Variants in PARD6G observed in about 807,000 individuals in gnomAD.
PARD6G encodes partitioning defective 6 homolog gamma.
A neutral mutation model predicts 10.7 loss-of-function variants in PARD6G; 7 were observed. The observed-to-expected ratio is 0.66, with a 90% CI of 0.37 to 1.23. The LOEUF is 1.23. Among genes scored for constraint, PARD6G ranks in the 50% most tolerant of loss-of-function variants. The pLI is 0.02. For synonymous variants in PARD6G, 287 were observed against 269.4 expected (o/e 1.07, Z -0.64); for missense variants, 548 against 571.8 (o/e 0.96, Z 0.42).
rs766474026 is a variant in PARD6G at position 80,180,491 on chromosome 18, C to T, written c.296-19885G>A. 2.0e-4 allele frequency among the ~76,000 whole-genome samples: 30 copies of T among 152,144 alleles called. No homozygotes were observed. Among genetic ancestry groups the T allele is most frequent in the Admixed American group, 3.3e-4 (5 of 15,272 alleles). On this transcript the variant is annotated intron_variant, in intron 2 of 2. Coordinates refer to ENST00000353265, the MANE Select transcript of PARD6G (RefSeq NM_032510.4). The surrounding 1 kb of genome is among the most constrained non-coding windows in gnomAD (Gnocchi z 5.6). ...GTACACCCCCCAGGTATCACCGGGG[C>T]CCTCCCAGGACCAACCCAGCCGGTG... is the stretch of plus-strand genomic sequence containing the variant.
chr18:80,243,025 G>A (rs1967506816), intron 1 of PARD6G, among the ~76,000 whole-genome samples: 1 of 152,138 alleles, frequency 6.6e-6, no homozygotes, highest in Non-Finnish European at 1.5e-5. Flanking sequence ...GTAAAAGTAC[G>A]TGCCTTTCCC....
chr18:80,197,839 G>A (rs1966972183), intron 2 of PARD6G, among the ~76,000 whole-genome samples: 1 of 152,238 alleles, frequency 6.6e-6, no homozygotes, highest in Non-Finnish European at 1.5e-5. Context: ...GAACAGAGAA[G>A]CGGGTCCTTA....
intron 1 of PARD6G, among the ~76,000 whole-genome samples, chr18:80,233,856 C>T (rs982985089): frequency 3.3e-5 from 5 of 152,274 alleles, no homozygotes; most frequent in Middle Eastern, 3.4e-3. Context: ...TTTTGACAAG[C>T]GTACTGATGT....
At chr18:80,213,898 C>T (rs1967132555) in intron 1 of PARD6G, among the ~76,000 whole-genome samples, 1 of 134,584 alleles carries the variant, frequency 7.4e-6, no homozygotes, top group Non-Finnish European at 1.5e-5. Context: ...GCAGAGCTTG[C>T]AATGAGCCGA....
At position 80,184,975 on chromosome 18, in the gene PARD6G, T is replaced by C. The variant is rs1391706875; in HGVS notation, c.295+17735A>G. On this transcript the variant is annotated intron_variant, in intron 2 of 2. Transcript: ENST00000353265. The surrounding 1 kb of genome is among the most constrained non-coding windows in gnomAD (Gnocchi z 4.5). ...AAAAATAAGGTGGCTCCTTCCAGCT[T>C]TGCGGGAACCTAACTGCTAGTCCCA... 3 of 152,312 alleles carry C rather than the reference T, an allele frequency of 2.0e-5. No homozygotes were observed. The East Asian group carries it at 5.8e-4, about 29-fold the overall frequency. The allele number at this position is 152,312 out of a possible 1,614,324, so 9.4% of individuals were successfully genotyped here.
rs4189 is a variant in PARD6G, at chr18:80,157,550, A to AACTT, written c.*2217_*2220dup. 0.43 allele frequency: 65,523 copies of AACTT among 151,746 alleles called. 15,266 individuals are homozygous for AACTT. The highest frequency in any genetic ancestry group is 0.57 in the East Asian group (2,935 of 5,148). 9.4% of individuals were successfully genotyped at this position (151,746 alleles called of 1,614,324 possible). Reference sequence around the variant, plus strand: ...TAACAGACATTCAAGAATCAGCAATAACTTAGTAAAAGAACATTTCCTTTG... The same window carrying AACTT: ...TAACAGACATTCAAGAATCAGCAATAACTTACTTAGTAAAAGAACATTTCCTTTG... On this transcript the variant is annotated 3_prime_UTR_variant, in exon 3 of 3. Coordinates refer to ENST00000353265, the MANE Select transcript of PARD6G (RefSeq NM_032510.4).
intron 1 of PARD6G, among the ~76,000 whole-genome samples, chr18:80,241,774 T>C (rs76587997): frequency 6.6e-6 from 1 of 152,060 alleles, no homozygotes; most frequent in Admixed American, 6.6e-5. Context: ...GGATTTGACA[T>C]GTAAGCAGCC....
intron 1 of PARD6G, among the ~76,000 whole-genome samples, chr18:80,211,582 G>A (rs1167707786): frequency 6.6e-6 from 1 of 152,276 alleles, no homozygotes; most frequent in East Asian, 1.9e-4. Flanking sequence ...AATAACCGAA[G>A]GTGGAATCTG....
At chr18:80,242,336 A>T (rs2145309276) in intron 1 of PARD6G, among the ~76,000 whole-genome samples, 1 of 152,378 alleles carries the variant, frequency 6.6e-6, no homozygotes, top group East Asian at 1.9e-4. Flanking sequence ...ACTGGCCCAC[A>T]GGAGGCAAGT....
intron 2 of PARD6G, among the ~76,000 whole-genome samples, chr18:80,187,353 G>C (rs1428126061): frequency 6.6e-6 from 1 of 152,194 alleles, no homozygotes; most frequent in East Asian, 1.9e-4. Context: ...CTCACATTTT[G>C]CTTCAGAGTA....
At chr18:80,166,027 G>A (rs1210322202) in intron 2 of PARD6G, among the ~76,000 whole-genome samples, 1 of 152,068 alleles carries the variant, frequency 6.6e-6, no homozygotes, top group Non-Finnish European at 1.5e-5. Flanking sequence ...GCAGTGAGCT[G>A]AGATCGTGCC....
At chr18:80,211,843 T>C (rs7235170) in intron 1 of PARD6G, among the ~76,000 whole-genome samples, 94,681 of 151,886 alleles carry the variant, frequency 0.62, 31,156 homozygotes, top group South Asian at 0.73. Flanking sequence ...ATGAGGTAAA[T>C]AGAGTACTCG....
chr18:80,216,359 C>A (rs775302525), intron 1 of PARD6G, among the ~76,000 whole-genome samples: 14 of 152,056 alleles, frequency 9.2e-5, no homozygotes, highest in African/African-American at 3.1e-4. Flanking sequence ...CTAGGATAGA[C>A]CATACTTAGG....
In PARD6G at chr18:80,231,311, T is replaced by C. The variant is rs1175751775; in HGVS notation, c.72+15966A>G. On this transcript the variant is annotated intron_variant, in intron 1 of 2. Coordinates refer to ENST00000353265, the MANE Select transcript of PARD6G (RefSeq NM_032510.4). This position sits in a 1 kb window ranked among gnomAD's most constrained non-coding sequence, Gnocchi z 4.2. ...ATCTGTCCCTGCCTTCATAAGACTT[T>C]CCTGAAAGGTAAATTCACTTAGGCA... is the stretch of plus-strand genomic sequence containing the variant. Among the ~76,000 whole-genome samples, 8 of 152,196 alleles carry C rather than the reference T, an allele frequency of 5.3e-5. No homozygotes were observed. The highest frequency in any genetic ancestry group is 1.5e-5 in the Non-Finnish European group (1 of 68,030).
chr18:80,194,597 G>A (rs138843389), intron 2 of PARD6G, among the ~76,000 whole-genome samples: 5 of 152,156 alleles, frequency 3.3e-5, no homozygotes, highest in East Asian at 3.9e-4. Context: ...TCACCCCCCC[G>A]AGATCTTAGT....
At chr18:80,212,428 C>T (rs772380575) in intron 1 of PARD6G, among the ~76,000 whole-genome samples, 1 of 152,162 alleles carries the variant, frequency 6.6e-6, no homozygotes, top group Non-Finnish European at 1.5e-5. Flanking sequence ...ATAAATGCTG[C>T]AGTATGAAAG....
chr18:80,178,486 G>A (rs1012604540), intron 2 of PARD6G: 20 of 152,364 alleles, frequency 1.3e-4, no homozygotes, highest in African/African-American at 4.6e-4. Context: ...CCCATAGAGA[G>A]GAGCATCCCT....
intron 2 of PARD6G, among the ~76,000 whole-genome samples, chr18:80,186,558 GCACA>G (rs762326915): frequency 6.6e-6 from 1 of 151,348 alleles, no homozygotes; most frequent in Non-Finnish European, 1.5e-5. Flanking sequence ...TCACACACAT[GCACA>G]CACAGCCCTT....
At chr18:80,234,068 G>A (rs940320366) in intron 1 of PARD6G, among the ~76,000 whole-genome samples, 1 of 152,162 alleles carries the variant, frequency 6.6e-6, no homozygotes, top group Non-Finnish European at 1.5e-5. Context: ...CCCTGCGGGT[G>A]TCCACAGCTC....
Sources: gnomAD v4.1 joint callset for allele counts (sites outside exome capture counted in the v4.1 genomes callset) on GRCh38, gnomAD v4.1.1 for gene constraint, Gnocchi (gnomAD v3.1) non-coding constraint, MANE v1.5 for transcripts, NCBI Gene and HGNC (gene_info 2026-07-23, HGNC 2026-07-21) for gene names.